Variants in NTN1 observed in about 807,000 individuals in gnomAD.
NTN1 encodes netrin-1.
NTN1 carries 11 observed loss-of-function variants against 54.2 expected under a neutral mutation model. The ratio of observed to expected loss-of-function variants is 0.20; its 90% CI spans 0.13 to 0.34. The LOEUF is 0.34. Among genes scored for constraint, NTN1 ranks in the 10% least tolerant of loss-of-function variants. The pLI is 1.00. For missense variants in NTN1, 740 were observed against 893.1 expected, an observed-to-expected ratio of 0.83 and a Z score of 2.18; for synonymous variants, 371 against 382.0, an observed-to-expected ratio of 0.97 and a Z score of 0.33.
At chr17:9,052,591 G>C (rs2091964712) in intron 2 of NTN1, among the ~76,000 whole-genome samples, 2 of 152,206 alleles carry the variant, frequency 1.3e-5, no homozygotes, top group African/African-American at 4.8e-5. Context: ...ATGTATTCAT[G>C]CTTTAGAATA....
At chr17:9,143,158 G>A (rs556372388) in intron 2 of NTN1, among the ~76,000 whole-genome samples, 1 of 152,324 alleles carries the variant, frequency 6.6e-6, no homozygotes, top group African/African-American at 2.4e-5. Flanking sequence ...GTCCAGAAGG[G>A]CTGTCTGTCT....
Position 9,241,286 on chromosome 17 carries a change from C to T in NTN1, c.*1318C>T, listed in dbSNP as rs893448524. On this transcript the variant is annotated 3_prime_UTR_variant, in exon 7 of 7. Transcript: ENST00000173229. ...TGTCTTGGGTCTGGCCTGGGCCACA[C>T]CTTGACCGTGCCTTTCCAGACGGTC... is the stretch of plus-strand genomic sequence containing the variant. 3 of 152,410 alleles carry T rather than the reference C, an allele frequency of 2.0e-5. No homozygotes were observed. The highest frequency in any genetic ancestry group is 4.8e-5 in the African/African-American group (2 of 41,474). 9.4% of individuals were successfully genotyped at this position (152,410 alleles called of 1,614,324 possible).
intron 2 of NTN1, among the ~76,000 whole-genome samples, chr17:9,092,662 C>G (rs892475693): frequency 6.6e-6 from 1 of 152,094 alleles, no homozygotes; most frequent in African/African-American, 2.4e-5. Context: ...GGTGCGATGT[C>G]AGCTCATTGC....
intron 2 of NTN1, among the ~76,000 whole-genome samples, chr17:9,120,687 T>C (rs34224293): frequency 0.33 from 49,925 of 151,962 alleles, 8,648 homozygotes; most frequent in African/African-American, 0.41. Context: ...CTGCTGGTGG[T>C]AGTGTGGGTT....
chr17:9,102,868 A>G (rs1316086715), intron 2 of NTN1, among the ~76,000 whole-genome samples: 2 of 152,260 alleles, frequency 1.3e-5, no homozygotes, highest in Non-Finnish European at 2.9e-5. Flanking sequence ...AAGAAGCCAG[A>G]TGCATACTCT....
At chr17:9,110,485 G>A (rs2092186621) in intron 2 of NTN1, among the ~76,000 whole-genome samples, 1 of 152,042 alleles carries the variant, frequency 6.6e-6, no homozygotes, top group African/African-American at 2.4e-5. Flanking sequence ...GGCCAGGCTG[G>A]TCTTGAGCTC....
At chr17:9,128,299 G>T (rs1193275761) in intron 2 of NTN1, among the ~76,000 whole-genome samples, 1 of 128,720 alleles carries the variant, frequency 7.8e-6, no homozygotes, top group Non-Finnish European at 1.6e-5. Flanking sequence ...AACACAGTGA[G>T]ACTCTGTCTC....
intron 3 of NTN1, chr17:9,176,750 T>C (rs1261261730): frequency 1.3e-5 from 2 of 152,222 alleles, no homozygotes; most frequent in African/African-American, 4.8e-5. Flanking sequence ...AGATAGGAGC[T>C]TATTTCTCCT....
upstream of NTN1, among the ~76,000 whole-genome samples, chr17:9,021,063 A>G (rs978392928): frequency 6.6e-6 from 1 of 152,102 alleles, no homozygotes; most frequent in African/African-American, 2.4e-5. Context: ...AGGCTGGGTT[A>G]GAGGAAGGCC....
At chr17:9,050,295 A>G (rs1443647803) in intron 2 of NTN1, among the ~76,000 whole-genome samples, 1 of 151,786 alleles carries the variant, frequency 6.6e-6, no homozygotes, top group African/African-American at 2.4e-5. Flanking sequence ...TAATAACAAT[A>G]AATGTCACTG....
Position 9,069,109 on chromosome 17 carries a change from C to G in NTN1, c.1018+45718C>G, listed in dbSNP as rs546212903. Among the ~76,000 whole-genome samples the G allele has an allele frequency of 2.6e-5, 4 of 152,050 alleles. No homozygotes were observed. In the East Asian group the frequency reaches 7.7e-4, roughly 29 times the overall value. ...TGCCTCCTAGCCTGGCTTCCTCCAC[C>G]GTTCATCAAGACTTCAGTACCAGGA... is the stretch of plus-strand genomic sequence containing the variant. On this transcript the variant is annotated intron_variant, in intron 2 of 6. Coordinates refer to ENST00000173229, the MANE Select transcript of NTN1 (RefSeq NM_004822.3).
At chr17:9,220,531 C>T (rs931048706) in intron 5 of NTN1, among the ~76,000 whole-genome samples, 2 of 152,112 alleles carry the variant, frequency 1.3e-5, no homozygotes, top group African/African-American at 2.4e-5. Flanking sequence ...GCTTGGCTCT[C>T]GGTTGGGCCC....
intron 2 of NTN1, among the ~76,000 whole-genome samples, chr17:9,102,139 C>G (rs2092152277): frequency 6.6e-6 from 1 of 152,226 alleles, no homozygotes; most frequent in Admixed American, 6.5e-5. Context: ...TGATAAAATA[C>G]TCTGCTGGCA....
intron 2 of NTN1, among the ~76,000 whole-genome samples, chr17:9,114,934 C>T (rs2092205731): frequency 1.3e-5 from 2 of 152,160 alleles, no homozygotes; most frequent in Admixed American, 6.5e-5. Context: ...TTGTGAACCA[C>T]CCAAGGGCAG....
chr17:9,071,204 T>C (rs182306175), intron 2 of NTN1, among the ~76,000 whole-genome samples: 34 of 152,312 alleles, frequency 2.2e-4, no homozygotes, highest in African/African-American at 7.9e-4. Context: ...GCCTGCTCTC[T>C]GTGGGGACAG....
At chr17:9,203,318 T>G (rs1597536218) in intron 5 of NTN1, among the ~76,000 whole-genome samples, 1 of 139,710 alleles carries the variant, frequency 7.2e-6, no homozygotes, top group South Asian at 2.3e-4. Flanking sequence ...GTTTGACTGT[T>G]TGAACCTCTT....
At chr17:9,029,270 A>G (rs193238891) in intron 2 of NTN1, among the ~76,000 whole-genome samples, 3 of 152,290 alleles carry the variant, frequency 2.0e-5, no homozygotes, top group Admixed American at 6.5e-5. Flanking sequence ...CTTTGTTTCA[A>G]TTAATCAGAT....
chr17:9,035,683 T>G (rs1235773139), intron 2 of NTN1, among the ~76,000 whole-genome samples: 1 of 152,224 alleles, frequency 6.6e-6, no homozygotes, highest in Non-Finnish European at 1.5e-5. Context: ...CCTGAGTAGC[T>G]GGGATCACAG....
chr17:9,119,478 G>A (rs1385560992), intron 2 of NTN1, among the ~76,000 whole-genome samples: 15 of 149,090 alleles, frequency 1.0e-4, no homozygotes, highest in East Asian at 1.9e-4. Flanking sequence ...GTGAGCCACC[G>A]TGCCTGGCTT....
Sources: gnomAD v4.1 joint callset for allele counts (sites outside exome capture counted in the v4.1 genomes callset) on GRCh38, gnomAD v4.1.1 for gene constraint, MANE v1.5 for transcripts, NCBI Gene and HGNC (gene_info 2026-07-23, HGNC 2026-07-21) for gene names.